The following KLHL32 variants were observed in gnomAD, a reference collection of about 807,000 sequenced individuals.
The protein encoded by KLHL32 is kelch-like protein 32.
Under a neutral mutation model 64.8 loss-of-function variants are expected in KLHL32, and 35 were observed. The observed-to-expected ratio is 0.54, with a 90% confidence interval of 0.41 to 0.72. KLHL32 has a LOEUF of 0.72. KLHL32 is among the 30% of genes least tolerant of loss of function. KLHL32 has a pLI of 0.00. For synonymous variants in KLHL32, 259 were observed against 281.0 expected (o/e 0.92, Z 0.78); for missense variants, 589 against 768.5 (o/e 0.77, Z 2.76).
intron 3 of KLHL32, among the ~76,000 whole-genome samples, chr6:97,016,418 A>G (rs1458126116): frequency 6.6e-6 from 1 of 152,232 alleles, no homozygotes; most frequent in Non-Finnish European, 1.5e-5. Flanking sequence ...TTTAAGGTTT[A>G]ATGACTGCCT....
chr6:97,135,201 A>C (rs1799854169), intron 10 of KLHL32, among the ~76,000 whole-genome samples: 1 of 152,106 alleles, frequency 6.6e-6, no homozygotes, highest in African/African-American at 2.4e-5. Flanking sequence ...TCTGTGTTCC[A>C]GTAGCCATTC....
At chr6:97,093,819 T>G (rs1330286664) in intron 6 of KLHL32, among the ~76,000 whole-genome samples, 2 of 152,082 alleles carry the variant, frequency 1.3e-5, no homozygotes, top group Non-Finnish European at 2.9e-5. Flanking sequence ...AAGCAGGAAA[T>G]GAAAGCCGAT....
chr6:97,105,307 T>C (rs1562341851), intron 6 of KLHL32: 1 of 389,310 alleles, frequency 2.6e-6, no homozygotes. Context: ...ATCCATTCTA[T>C]TAAAACACGC....
the KLHL32 span, among the ~76,000 whole-genome samples, chr6:96,916,059 TCA>T: frequency 6.6e-6 from 1 of 152,154 alleles, no homozygotes; most frequent in Non-Finnish European, 1.5e-5. Context: ...GCCTCCAGAA[TCA>T]CAGCAGATTC....
At chr6:97,060,552 TCTC>T (rs1788710502) in intron 4 of KLHL32, among the ~76,000 whole-genome samples, 1 of 152,112 alleles carries the variant, frequency 6.6e-6, no homozygotes, top group Non-Finnish European at 1.5e-5. Context: ...CAGGTCCCAT[TCTC>T]CTCCTCTTTC....
At chr6:96,985,320 C>A (rs2128055614) in intron 3 of KLHL32, among the ~76,000 whole-genome samples, 1 of 152,236 alleles carries the variant, frequency 6.6e-6, no homozygotes, top group South Asian at 2.1e-4. Context: ...TCCTTCATTT[C>A]AGCTTTGGTG....
chr6:97,119,843 A>C (rs1005697125), intron 7 of KLHL32, among the ~76,000 whole-genome samples: 2 of 152,160 alleles, frequency 1.3e-5, no homozygotes, highest in African/African-American at 4.8e-5. Flanking sequence ...AATAAATAGC[A>C]TTTTGGCTTT....
chr6:96,932,383 G>A (rs1172513193), intron 1 of KLHL32, among the ~76,000 whole-genome samples: 1 of 151,826 alleles, frequency 6.6e-6, no homozygotes, highest in Non-Finnish European at 1.5e-5. Flanking sequence ...CCTACAGATG[G>A]GGCCTCCTAA....
At chr6:96,931,398 G>A (rs183177424) in intron 1 of KLHL32, among the ~76,000 whole-genome samples, 45 of 152,268 alleles carry the variant, frequency 3.0e-4, no homozygotes, top group East Asian at 2.7e-3. Flanking sequence ...AGCAGGAACT[G>A]CTAGCAGCCT....
At position 97,036,241 on chromosome 6, in the gene KLHL32, T is replaced by C. The variant is rs538312120; in HGVS notation, c.205-5251T>C. The stretch of plus-strand genomic sequence containing the variant: ...TTTCATTTATGTATTACATAAAATT[T>C]ACATTTCTCTAACTTTCCCTTTTGT... On this transcript the variant is annotated intron_variant, in intron 3 of 10. Coordinates refer to ENST00000369261, the MANE Select transcript of KLHL32 (RefSeq NM_052904.4). Among the ~76,000 whole-genome samples, 4 of 152,364 alleles carry C rather than the reference T, an allele frequency of 2.6e-5. No homozygotes were observed. The South Asian group carries it at 8.3e-4, about 32-fold the overall frequency.
intron 5 of KLHL32, among the ~76,000 whole-genome samples, chr6:97,065,437 C>T (rs541238671): frequency 2.6e-5 from 4 of 152,272 alleles, no homozygotes; most frequent in African/African-American, 7.2e-5. Flanking sequence ...AAGACCATTT[C>T]TTGGTTGGAT....
chr6:96,985,747 A>C (rs34961068), intron 3 of KLHL32, among the ~76,000 whole-genome samples: 70,820 of 151,536 alleles, frequency 0.47, 17,094 homozygotes, highest in African/African-American at 0.58. Flanking sequence ...ACTTCTCTAG[A>C]ATTGGTTATT....
intron 3 of KLHL32, among the ~76,000 whole-genome samples, chr6:96,981,071 A>G (rs1276200693): frequency 1.3e-5 from 2 of 152,134 alleles, no homozygotes; most frequent in Admixed American, 6.5e-5. Context: ...CTCACTCACT[A>G]TCACAGGAAC....
rs927037153 is a variant in KLHL32 at position 97,031,502 on chromosome 6, A to AT, written c.205-9981dup. On this transcript the variant is annotated intron_variant, in intron 3 of 10. Transcript: ENST00000369261. The stretch of plus-strand genomic sequence containing the variant: ...AGGTGCAGACCACCATGCTCAGCTA[A>AT]TTTTTTTTTATTGTTTGTAGAGATA... Among the ~76,000 whole-genome samples the AT allele has an allele frequency of 1.3e-4, 20 of 151,108 alleles. No individual in the cohort carries two copies. In the East Asian group the frequency reaches 1.6e-3, roughly 12 times the overall value.
At chr6:96,970,115 A>G (rs1774949234) in intron 2 of KLHL32, among the ~76,000 whole-genome samples, 1 of 152,122 alleles carries the variant, frequency 6.6e-6, no homozygotes, top group South Asian at 2.1e-4. Context: ...CCTTTCTGAA[A>G]CTTCATCTGA....
chr6:96,952,784 A>G (rs1772783716), intron 1 of KLHL32, among the ~76,000 whole-genome samples: 1 of 152,242 alleles, frequency 6.6e-6, no homozygotes, highest in South Asian at 2.1e-4. Context: ...CATAGATAAC[A>G]TCACTATTGT....
the KLHL32 span, among the ~76,000 whole-genome samples, chr6:96,919,411 T>C: frequency 4.6e-5 from 7 of 152,188 alleles, no homozygotes; most frequent in Non-Finnish European, 7.3e-5. Context: ...GAAAGGTAGA[T>C]TTCTTGAGTC....
intron 4 of KLHL32, among the ~76,000 whole-genome samples, chr6:97,049,486 C>T (rs1562279760): frequency 6.8e-6 from 1 of 147,372 alleles, no homozygotes; most frequent in Non-Finnish European, 1.5e-5. Context: ...ATTTAAAACT[C>T]ATGAATCGTT....
the KLHL32 span, among the ~76,000 whole-genome samples, chr6:96,917,752 A>G: frequency 1.3e-5 from 2 of 152,176 alleles, no homozygotes; most frequent in African/African-American, 4.8e-5. Context: ...AGGGAAAAGA[A>G]TATCACCCTA....
Sources: gnomAD v4.1 joint callset for allele counts (sites outside exome capture counted in the v4.1 genomes callset) on GRCh38, gnomAD v4.1.1 for gene constraint, MANE v1.5 for transcripts, NCBI Gene and HGNC (gene_info 2026-07-23, HGNC 2026-07-21) for gene names.